MOB2: variants seen among roughly 807,000 people sequenced by gnomAD.
The protein encoded by MOB2 is MOB2 Mps One Binder homolog.
A neutral mutation model predicts 27.4 loss-of-function variants in MOB2; 14 were observed. The ratio of observed to expected loss-of-function variants is 0.51; its 90% CI spans 0.34 to 0.80. The LOEUF (loss-of-function observed/expected upper bound fraction) is 0.80. Ranked by LOEUF, MOB2 falls within the 30% of genes least tolerant of loss-of-function variation. The pLI, the probability that MOB2 is intolerant of heterozygous loss-of-function variation, is 0.01. For missense variants in MOB2, 304 were observed against 354.6 expected (o/e 0.86, Z 1.15); for synonymous variants, 167 against 151.8 (o/e 1.10, Z -0.74).
chr11:1,472,144 GC>G (rs1286120967), intron 3 of MOB2: 2 of 130,244 alleles, frequency 1.5e-5, no homozygotes, highest in African/African-American at 5.8e-5. Flanking sequence ...GTGACCCCCA[GC>G]CCCTAACACC....
Position 1,469,487 on chromosome 11 carries a change from G to T in MOB2, c.*685C>A. The T allele has an allele frequency of 2.2e-6, 1 of 447,926 alleles. No homozygotes were observed. Among genetic ancestry groups the T allele is most frequent in the Non-Finnish European group, 4.5e-6 (1 of 220,590 alleles). 27.7% of individuals were successfully genotyped at this position (447,926 alleles called of 1,614,324 possible). Reference sequence around the variant, plus strand: ...TGAGAGAATTCTTTTTATTACGAGTGAACAGATGAACTAAGGTAAGCGGGT... The same window carrying T: ...TGAGAGAATTCTTTTTATTACGAGTTAACAGATGAACTAAGGTAAGCGGGT... On this transcript the variant is annotated 3_prime_UTR_variant, in exon 5 of 5. Transcript: ENST00000329957.
intron 1 of MOB2, chr11:1,481,648 G>T: frequency 6.6e-6 from 1 of 152,510 alleles, no homozygotes; most frequent in South Asian, 2.0e-4. Flanking sequence ...CTTAAAAGGA[G>T]ACCAGCGCAG....
At chr11:1,482,684 T>C (rs1473098603) in intron 1 of MOB2, among the ~76,000 whole-genome samples, 1 of 152,216 alleles carries the variant, frequency 6.6e-6, no homozygotes, top group African/African-American at 2.4e-5. Context: ...CTTAGTGCAC[T>C]GTGAGACAAG....
chr11:1,470,312 G>A lies in MOB2; in HGVS notation c.667C>T (p.Leu223=). ...ATGATGGCGGTCTCTTTGGGGTCCA[G>A]CAGGTTGAACTCCCGAGCAAAGAGG... is the stretch of plus-strand genomic sequence containing the variant. ...FILFAREFNL[L]DPKETAIMDD... The change falls in exon 5 of 5, where the codon CTG becomes TTG. Residue 223 remains leucine, a synonymous_variant. Transcript: ENST00000329957. The A allele has an allele frequency of 6.2e-7, 1 of 1,613,428 alleles. No individual in the cohort carries two copies. Among genetic ancestry groups the A allele is most frequent in the Non-Finnish European group, 8.5e-7 (1 of 1,179,902 alleles).
intron 3 of MOB2, among the ~76,000 whole-genome samples, chr11:1,476,050 C>T (rs547521577): frequency 1.4e-4 from 22 of 152,306 alleles, no homozygotes; most frequent in South Asian, 1.0e-3. Context: ...TGGATCCACA[C>T]GGGGGCCGAG....
intron 3 of MOB2, among the ~76,000 whole-genome samples, chr11:1,479,209 G>A (rs1847883735): frequency 6.6e-6 from 1 of 152,224 alleles, no homozygotes; most frequent in African/African-American, 2.4e-5. Context: ...CGTCTGCCCA[G>A]GAGCAGAGGC....
At chr11:1,471,739 TCA>T (rs2133357598) in intron 3 of MOB2, 1 of 271,202 alleles carries the variant, frequency 3.7e-6, no homozygotes, top group South Asian at 9.5e-5. Flanking sequence ...CTACATGGCT[TCA>T]GTTGTATTCG....
Position 1,484,271 on chromosome 11 carries a change from C to T in MOB2, c.110+2176G>A, listed in dbSNP as rs551760124. 5.3e-4 allele frequency among the ~76,000 whole-genome samples: 81 copies of T among 152,276 alleles called. 1 individual carries two copies. Among genetic ancestry groups the T allele is most frequent in the South Asian group, 1.5e-3 (7 of 4,824 alleles). ...TCAACGCCAAGGGGTGGGGCAGGCA[C>T]GAGGGGCCCAGAAATACAAGTCCCC... is the stretch of plus-strand genomic sequence containing the variant. On this transcript the variant is annotated intron_variant, in intron 1 of 4. Transcript: ENST00000329957.
At chr11:1,471,469 C>G in intron 3 of MOB2, 50 bp from the exon 4 acceptor site, 2 of 1,571,952 alleles carry the variant, frequency 1.3e-6, no homozygotes, top group Non-Finnish European at 1.7e-6. Context: ...CACACCCACC[C>G]AGCCACTGGG....
At chr11:1,479,116 A>T (rs1328682906) in intron 3 of MOB2, among the ~76,000 whole-genome samples, 1 of 151,946 alleles carries the variant, frequency 6.6e-6, no homozygotes, top group Non-Finnish European at 1.5e-5. Flanking sequence ...CACATCCTAC[A>T]CTCCTCCAAG....
intron 1 of MOB2, among the ~76,000 whole-genome samples, chr11:1,484,993 C>T (rs1847955284): frequency 6.6e-6 from 1 of 152,192 alleles, no homozygotes; most frequent in South Asian, 2.1e-4. Context: ...AGGAAAAAGC[C>T]AAGATGGCAC....
chr11:1,486,472 G>T lies in MOB2; in HGVS notation c.85C>A (p.Leu29Ile). Residue 29 changes from leucine (L) to isoleucine (I), a missense_variant, in exon 1 of 5, where the codon CTT becomes ATT. Transcript: ENST00000329957. ...CTGAGCACTTTGCTGACAGCCTGAA[G>T]CACCATTTTGCAGCAGAGTCCACTT... ...LQSGLCCKMVLQAVSKVLRKS... is the reference protein window; with the variant it reads ...LQSGLCCKMVIQAVSKVLRKS... 6.5e-7 allele frequency: 1 copy of T among 1,535,864 alleles called. No homozygotes were observed.
At chr11:1,470,528 TG>T (rs764108150) in intron 4 of MOB2, 40 bp from the exon 5 acceptor site, 1 of 1,585,598 alleles carries the variant, frequency 6.3e-7, no homozygotes, top group Non-Finnish European at 8.6e-7. Flanking sequence ...AGACATCCCT[TG>T]GCCCCAACAG....
intron 1 of MOB2, among the ~76,000 whole-genome samples, chr11:1,485,607 C>T (rs1847961413): frequency 1.3e-5 from 2 of 152,180 alleles, no homozygotes; most frequent in Non-Finnish European, 2.9e-5. Context: ...CCTTGGAGGG[C>T]ACGTCCAGCA....
At chr11:1,481,954 C>T (rs1847920592) in intron 1 of MOB2, among the ~76,000 whole-genome samples, 1 of 152,088 alleles carries the variant, frequency 6.6e-6, no homozygotes, top group Admixed American at 6.5e-5. Flanking sequence ...CAGCCCCTCG[C>T]CCCAGCACAG....
At chr11:1,474,884 CTTA>C (rs1252550260) in intron 3 of MOB2, among the ~76,000 whole-genome samples, 1 of 152,250 alleles carries the variant, frequency 6.6e-6, no homozygotes, top group Non-Finnish European at 1.5e-5. Flanking sequence ...TGAGATTCCT[CTTA>C]TTTTTTCAAA....
At chr11:1,475,475 A>AT (rs747301438) in intron 3 of MOB2, among the ~76,000 whole-genome samples, 8 of 152,274 alleles carry the variant, frequency 5.3e-5, no homozygotes, top group Non-Finnish European at 1.2e-4. Flanking sequence ...GGCAGACTTG[A>AT]TTGATTGACT....
At chr11:1,482,669 C>G (rs1847927595) in intron 1 of MOB2, among the ~76,000 whole-genome samples, 1 of 152,222 alleles carries the variant, frequency 6.6e-6, no homozygotes, top group Non-Finnish European at 1.5e-5. Flanking sequence ...GGCCGGGCCC[C>G]GGAGCTTAGT....
chr11:1,471,572 TC>T, intron 3 of MOB2, 153 bp from the exon 4 acceptor site: 1 of 843,296 alleles, frequency 1.2e-6, no homozygotes, highest in Non-Finnish European at 1.8e-6. Flanking sequence ...ATGCACACTG[TC>T]CCCACACACT....
Sources: allele counts gnomAD v4.1 joint callset (sites outside exome capture counted in the v4.1 genomes callset), GRCh38; gene constraint gnomAD v4.1.1; transcripts MANE v1.5; gene names NCBI Gene and HGNC (gene_info 2026-07-23, HGNC 2026-07-21).